Variants in PTPN13 observed in about 807,000 individuals in gnomAD.
The protein encoded by PTPN13 is tyrosine-protein phosphatase non-receptor type 13.
In PTPN13, 191 loss-of-function variants were observed where a neutral mutation model predicts 284.0. The observed-to-expected ratio is 0.67, with a 90% CI of 0.60 to 0.76. The LOEUF (loss-of-function observed/expected upper bound fraction) is 0.76. Among genes scored for constraint, PTPN13 ranks in the 30% least tolerant of loss-of-function variants. The pLI, the probability that PTPN13 is intolerant of heterozygous loss-of-function variation, is 0.00. For synonymous variants in PTPN13, 986 were observed against 1,022.3 expected, an observed-to-expected ratio of 0.96 and a Z score of 0.68; for missense variants, 2,797 against 2,939.9, an observed-to-expected ratio of 0.95 and a Z score of 1.12.
chr4:86,782,536 T>C (rs1741438234), intron 37 of PTPN13, among the ~76,000 whole-genome samples: 1 of 152,200 alleles, frequency 6.6e-6, no homozygotes, highest in Admixed American at 6.5e-5. Context: ...AGATTTTTCT[T>C]ATTAATGTGT....
intron 1 of PTPN13, among the ~76,000 whole-genome samples, chr4:86,627,029 A>G (rs1721914969): frequency 6.6e-6 from 1 of 152,144 alleles, no homozygotes; most frequent in African/African-American, 2.4e-5. Context: ...TTGCAGCCTT[A>G]AAAAAGAAGG....
intron 2 of PTPN13, among the ~76,000 whole-genome samples, chr4:86,656,974 C>A (rs1321773073): frequency 6.6e-6 from 1 of 152,252 alleles, no homozygotes; most frequent in Non-Finnish European, 1.5e-5. Context: ...TGATCTCAGA[C>A]TGCTGTGCTA....
At chr4:86,619,135 G>A (rs149273745) in intron 1 of PTPN13, among the ~76,000 whole-genome samples, 367 of 152,232 alleles carry the variant, frequency 2.4e-3, no homozygotes, top group South Asian at 8.9e-3. Flanking sequence ...AGTCAGCCAC[G>A]CGATCACAAG....
intron 26 of PTPN13, 97 bp downstream of exon 26, chr4:86,765,585 A>G: frequency 1.2e-6 from 1 of 803,908 alleles, no homozygotes; most frequent in Non-Finnish European, 1.9e-6. Flanking sequence ...AATTCATGAT[A>G]TGAAATAAGA....
At position 86,732,637 on chromosome 4, in the gene PTPN13, A is replaced by T; in HGVS notation, c.1729A>T (p.Met577Leu). The T allele has an allele frequency of 6.2e-7, 1 of 1,613,628 alleles. No individual in the cohort carries two copies. The highest frequency in any genetic ancestry group is 8.5e-7 in the Non-Finnish European group (1 of 1,179,660). ...GGATAACCGAAGGAAAGTAAACATA[A>T]TGCTTCTGAACGGGCAAAGACTGGA... The part of the protein sequence containing the change: ...NEDNRRKVNI[M>L]LLNGQRLELT... The change falls in exon 12 of 48, where the codon ATG becomes TTG. Residue 577 changes from methionine (M) to leucine (L), a missense_variant. Met to Leu is a conservative substitution (Grantham distance 15). Transcript: ENST00000411767.
chr4:86,649,218 G>A (rs1214672998), intron 2 of PTPN13, among the ~76,000 whole-genome samples: 1 of 152,096 alleles, frequency 6.6e-6, no homozygotes, highest in Non-Finnish European at 1.5e-5. Flanking sequence ...CTAGCTTGAT[G>A]TGATCCTATT....
intron 3 of PTPN13, among the ~76,000 whole-genome samples, chr4:86,677,505 G>A (rs997021287): frequency 4.6e-5 from 7 of 151,570 alleles, no homozygotes; most frequent in African/African-American, 1.7e-4. Flanking sequence ...AGTAGAGACA[G>A]GGTCTCACCA....
At chr4:86,616,544 A>C (rs1348015782) in intron 1 of PTPN13, among the ~76,000 whole-genome samples, 2 of 126,014 alleles carry the variant, frequency 1.6e-5, no homozygotes, top group Admixed American at 1.7e-4. Flanking sequence ...TCGTGGGGCC[A>C]TGGGGGGTGG....
chr4:86,661,431 G>A (rs1331482008), intron 2 of PTPN13, among the ~76,000 whole-genome samples: 1 of 152,162 alleles, frequency 6.6e-6, no homozygotes, highest in Non-Finnish European at 1.5e-5. Flanking sequence ...TTGGGGTGAT[G>A]TGTGTCAGTC....
At chr4:86,748,693 T>C (rs1399303015) in intron 17 of PTPN13, among the ~76,000 whole-genome samples, 1 of 152,198 alleles carries the variant, frequency 6.6e-6, no homozygotes, top group Non-Finnish European at 1.5e-5. Context: ...TATCGCTCTG[T>C]TGCTCAGGCT....
chr4:86,773,046 T>C (rs1740186090), intron 32 of PTPN13, 88 bp downstream of exon 32: 2 of 978,016 alleles, frequency 2.0e-6, no homozygotes, highest in Admixed American at 3.1e-5. Flanking sequence ...GAAAAAGCTA[T>C]CTTTAAAATA....
In PTPN13 at chr4:86,727,573, T is replaced by C. The variant is rs919526946; in HGVS notation, c.1609-4827T>C. Reference sequence around the variant, plus strand: ...GTATGTGTCCAGGAATTCATCCATTTCTTCTAGATTTTCTAGTTTATTTGC... The same window carrying C: ...GTATGTGTCCAGGAATTCATCCATTCCTTCTAGATTTTCTAGTTTATTTGC... On this transcript the variant is annotated intron_variant, in intron 10 of 47. Coordinates refer to ENST00000411767, the MANE Select transcript of PTPN13 (RefSeq NM_080683.3). Among the ~76,000 whole-genome samples the C allele has an allele frequency of 3.5e-4, 53 of 149,618 alleles. 2 individuals are homozygous for C. Among genetic ancestry groups the C allele is most frequent in the African/African-American group, 1.2e-3 (51 of 41,042 alleles).
At chr4:86,770,010 C>A (rs761789206) in intron 29 of PTPN13, 27 bp downstream of exon 29, 3 of 1,612,164 alleles carry the variant, frequency 1.9e-6, no homozygotes, top group Non-Finnish European at 2.5e-6. Context: ...TGGAGTATAG[C>A]ATTTTTAATG....
At chr4:86,730,358 T>A (rs1734792611) in intron 10 of PTPN13, among the ~76,000 whole-genome samples, 1 of 149,850 alleles carries the variant, frequency 6.7e-6, no homozygotes, top group Non-Finnish European at 1.5e-5. Flanking sequence ...ACAGGGACAT[T>A]TAAGTCTGCA....
intron 2 of PTPN13, among the ~76,000 whole-genome samples, chr4:86,658,950 T>C (rs1726166595): frequency 1.3e-5 from 2 of 152,114 alleles, no homozygotes; most frequent in African/African-American, 4.8e-5. Flanking sequence ...AAGAGCAGAC[T>C]GAACAGTAAA....
chr4:86,740,048 C>T (rs570411382), intron 15 of PTPN13, among the ~76,000 whole-genome samples: 39 of 152,292 alleles, frequency 2.6e-4, no homozygotes, highest in South Asian at 2.1e-3. Context: ...ATAGACCCCT[C>T]CTGGCTGGTT....
intron 1 of PTPN13, among the ~76,000 whole-genome samples, chr4:86,613,583 A>G (rs113976667): frequency 0.045 from 6,807 of 150,754 alleles, 210 homozygotes; most frequent in African/African-American, 0.058. Context: ...GCAGTGAGCC[A>G]AGATTGTGCC....
Position 86,759,059 on chromosome 4 carries a change from A to G in PTPN13, c.3539A>G (p.Glu1180Gly). The change falls in exon 23 of 48, where the codon GAA becomes GGA. Residue 1180 changes from glutamate to glycine, a missense_variant. Coordinates refer to ENST00000411767, the MANE Select transcript of PTPN13 (RefSeq NM_080683.3). ...ACACTTGTTATCTCTCAGCCAAAAG[A>G]AAAGATATCCAAAGGTAATGTGAAT... ...DVTLVISQPKEKISKVPSTPV... is the reference protein window; with the variant it reads ...DVTLVISQPKGKISKVPSTPV... 1 of 1,613,070 alleles carries G rather than the reference A, an allele frequency of 6.2e-7. No homozygotes were observed. Among genetic ancestry groups the G allele is most frequent in the Non-Finnish European group, 8.5e-7 (1 of 1,179,456 alleles).
chr4:86,625,290 G>A (rs1721703699), intron 1 of PTPN13, among the ~76,000 whole-genome samples: 1 of 151,724 alleles, frequency 6.6e-6, no homozygotes, highest in Non-Finnish European at 1.5e-5. Flanking sequence ...ACTGTTTCTT[G>A]TCTCTCTCTT....
Sources: allele counts gnomAD v4.1 joint callset (sites outside exome capture counted in the v4.1 genomes callset), GRCh38; gene constraint gnomAD v4.1.1; transcripts MANE v1.5; gene names NCBI Gene and HGNC (gene_info 2026-07-23, HGNC 2026-07-21).